Variants in NAP1L1 observed in about 807,000 individuals in gnomAD.
NAP1L1 encodes nucleosome assembly protein 1 like 1.
Under a neutral mutation model 58.9 loss-of-function variants are expected in NAP1L1, and 9 were observed. That is an observed-to-expected ratio of 0.15 (90% CI 0.09 to 0.27). The LOEUF is 0.27. NAP1L1 is among the 10% of genes least tolerant of loss of function. The pLI is 1.00. For missense variants in NAP1L1, 302 were observed against 458.8 expected, an observed-to-expected ratio of 0.66 and a Z score of 3.12; for synonymous variants, 130 against 138.3, an observed-to-expected ratio of 0.94 and a Z score of 0.42.
At chr12:76,059,992 C>T in intron 5 of NAP1L1, 114 bp from the exon 6 acceptor site, 1 of 1,171,936 alleles carries the variant, frequency 8.5e-7, no homozygotes, top group East Asian at 2.5e-5. Flanking sequence ...ACAACTTTAA[C>T]TGCTATTATT....
At chr12:76,054,268 G>T (rs1250686129) in intron 8 of NAP1L1, among the ~76,000 whole-genome samples, 1 of 146,014 alleles carries the variant, frequency 6.8e-6, no homozygotes, top group African/African-American at 2.4e-5. Context: ...GACCTCAAGT[G>T]ATCCACCCAC....
At chr12:76,068,776 A>ACACACACACACG (rs1592676763) in intron 3 of NAP1L1, 133 bp downstream of exon 3, 1 of 639,976 alleles carries the variant, frequency 1.6e-6, no homozygotes, top group East Asian at 2.7e-5. Context: ...ACACACACAC[A>ACACACACACACG]CACTAGAAGT....
At chr12:76,062,742 C>T (rs1211771130) in intron 4 of NAP1L1, among the ~76,000 whole-genome samples, 2 of 152,088 alleles carry the variant, frequency 1.3e-5, no homozygotes, top group Admixed American at 6.6e-5. Flanking sequence ...GAGATATGGA[C>T]GACAAAAGTA....
Position 76,038,024 on chromosome 12 carries a change from T to C in NAP1L1, c.*10405A>G, listed in dbSNP as rs1234096362. The stretch of plus-strand genomic sequence containing the variant: ...TATTTGTAAACTTGTTATGGTAATA[T>C]TAGCTTTGAAGTGACAAACGAAAAT... On this transcript the variant is annotated 3_prime_UTR_variant, in exon 15 of 15. Transcript: ENST00000618691. 2 of 152,216 alleles carry C rather than the reference T, an allele frequency of 1.3e-5. No individual in the cohort carries two copies. The highest frequency in any genetic ancestry group is 4.8e-5 in the African/African-American group (2 of 41,448). The allele number at this position is 152,216 out of a possible 1,614,324, so 9.4% of individuals were successfully genotyped here.
At chr12:76,052,289 C>T (rs186911838) in intron 11 of NAP1L1, among the ~76,000 whole-genome samples, 1 of 152,006 alleles carries the variant, frequency 6.6e-6, no homozygotes, top group African/African-American at 2.4e-5. Flanking sequence ...CAAACTTGAA[C>T]ACAAACTCCA....
intron 6 of NAP1L1, chr12:76,058,055 A>G (rs1949204197): frequency 1.3e-6 from 1 of 775,382 alleles, no homozygotes; most frequent in Non-Finnish European, 2.4e-6. Flanking sequence ...CAGATGACAT[A>G]ATTGAGGTCA....
chr12:76,037,586 A>G lies in NAP1L1; in HGVS notation c.*10843T>C, dbSNP rs1258586812. On this transcript the variant is annotated 3_prime_UTR_variant, in exon 15 of 15. Transcript: ENST00000618691. ...CATTCCAATTCCTTACCCTTGCATG[A>G]CAAGCCCTCCACAGAATGGGTCCTA... 6.7e-6 allele frequency: 1 copy of G among 149,322 alleles called. No individual in the cohort carries two copies. Among genetic ancestry groups the G allele is most frequent in the Non-Finnish European group, 1.5e-5 (1 of 68,030 alleles). 9.2% of individuals were successfully genotyped at this position (149,322 alleles called of 1,614,324 possible). A position where few individuals can be genotyped will look rare whatever the true frequency, so the allele number is the denominator to read the frequency against.
chr12:76,077,980 C>CAAAAAAAAAAAAAAAAAAAAAA (rs58558132), intron 1 of NAP1L1, among the ~76,000 whole-genome samples: 1 of 65,962 alleles, frequency 1.5e-5, no homozygotes, highest in Non-Finnish European at 2.7e-5. Flanking sequence ...GACCCTGTCT[C>CAAAAAAAAAAAAAAAAAAAAAA]AAAAAAAAAA....
At chr12:76,075,945 C>A (rs550226825) in intron 1 of NAP1L1, among the ~76,000 whole-genome samples, 2 of 152,072 alleles carry the variant, frequency 1.3e-5, no homozygotes, top group Non-Finnish European at 2.9e-5. Flanking sequence ...AGAAGGACCG[C>A]TTGAGGCCAG....
rs1252121735 is a variant in NAP1L1, at chr12:76,048,146, T to C, written c.*283A>G. On this transcript the variant is annotated 3_prime_UTR_variant, in exon 15 of 15. Coordinates refer to ENST00000618691, the MANE Select transcript of NAP1L1 (RefSeq NM_004537.7). ...TTCCTTTAACAGTTGTTAATTTTCA[T>C]AGCTGTACTCCAAGAGCTACATAAA... is the stretch of plus-strand genomic sequence containing the variant. 2.9e-5 allele frequency: 11 copies of C among 385,340 alleles called. No individual in the cohort carries two copies. Among genetic ancestry groups the C allele is most frequent in the East Asian group, 1.6e-4 (4 of 25,662 alleles). The allele number at this position is 385,340 out of a possible 1,614,324, so 23.9% of individuals were successfully genotyped here.
rs1948572079 is a variant in NAP1L1, at chr12:76,043,633, T to C, written c.*4796A>G. The C allele has an allele frequency of 6.6e-6, 1 of 152,232 alleles. No homozygotes were observed. The highest frequency in any genetic ancestry group is 2.4e-5 in the African/African-American group (1 of 41,458). 9.4% of individuals were successfully genotyped at this position (152,232 alleles called of 1,614,324 possible). ...CTGGCCACTTGTATTTCTACCTGTATTTCCAGGTATCTCAATTCCTTGAAT... is the reference window on the plus strand; with the variant it reads ...CTGGCCACTTGTATTTCTACCTGTACTTCCAGGTATCTCAATTCCTTGAAT... On this transcript the variant is annotated 3_prime_UTR_variant, in exon 15 of 15. Coordinates refer to ENST00000618691, the MANE Select transcript of NAP1L1 (RefSeq NM_004537.7).
intron 6 of NAP1L1, chr12:76,057,905 G>T: frequency 8.0e-7 from 1 of 1,248,996 alleles, no homozygotes; most frequent in Non-Finnish European, 1.2e-6. Context: ...AATTCCCAGA[G>T]CAAAGAAATA....
intron 1 of NAP1L1, among the ~76,000 whole-genome samples, chr12:76,080,403 A>T (rs1042209679): frequency 4.6e-5 from 7 of 152,204 alleles, no homozygotes; most frequent in African/African-American, 4.8e-5. Flanking sequence ...ACTTATTTTT[A>T]AAAAAGTTAA....
rs1310121381 is a variant in NAP1L1 at position 76,039,683 on chromosome 12, T to G, written c.*8746A>C. 6.6e-6 allele frequency: 1 copy of G among 152,234 alleles called. No homozygotes were observed. Among genetic ancestry groups the G allele is most frequent in the African/African-American group, 2.4e-5 (1 of 41,472 alleles). 9.4% of individuals were successfully genotyped at this position (152,234 alleles called of 1,614,324 possible). On this transcript the variant is annotated 3_prime_UTR_variant, in exon 15 of 15. Coordinates refer to ENST00000618691, the MANE Select transcript of NAP1L1 (RefSeq NM_004537.7). ...AATATCTACAAGGCAGTGCAAAGTG[T>G]AGGGCCATCCAAATGCTGGCTCCAA...
At chr12:76,054,912 A>C in intron 8 of NAP1L1, 107 bp downstream of exon 8, 1 of 667,554 alleles carries the variant, frequency 1.5e-6, no homozygotes, top group South Asian at 2.5e-5. Flanking sequence ...TTTATTCACT[A>C]TAACAAAGAG....
chr12:76,050,351 A>G (rs12831663), intron 12 of NAP1L1, among the ~76,000 whole-genome samples, 180 bp downstream of exon 12: 24,512 of 152,168 alleles, frequency 0.16, 2,891 homozygotes, highest in East Asian at 0.53. Context: ...AGATAAATGA[A>G]TCCAAAAATC....
rs1948927482 is a variant in NAP1L1 at position 76,053,305 on chromosome 12, A to T, written c.816T>A (p.Thr272=). The T allele has an allele frequency of 6.2e-7, 1 of 1,613,862 alleles. No homozygotes were observed. Among genetic ancestry groups the T allele is most frequent in the Admixed American group, 1.7e-5 (1 of 59,998 alleles). The part of the protein sequence containing the change: ...WKKGKNVTLK[T]IKKKQKHKGR... Reference sequence around the variant, plus strand: ...CCTTGTGTTTCTGCTTCTTCTTAATAGTTTTCAAAGTGACATTCTTTCCTT... The same window carrying T: ...CCTTGTGTTTCTGCTTCTTCTTAATTGTTTTCAAAGTGACATTCTTTCCTT... The change falls in exon 10 of 15, where the codon ACT becomes ACA. Residue 272 remains threonine (T), a synonymous_variant. Transcript: ENST00000618691.
At chr12:76,068,743 C>CACACAT in intron 3 of NAP1L1, 166 bp downstream of exon 3, 1 of 469,272 alleles carries the variant, frequency 2.1e-6, no homozygotes, top group African/African-American at 2.6e-5. Flanking sequence ...CTTACACACA[C>CACACAT]ACACACACAC....
In NAP1L1 at chr12:76,048,039, C is replaced by T. The variant is rs779927567; in HGVS notation, c.*390G>A. The T allele has an allele frequency of 7.8e-5, 14 of 178,918 alleles. No homozygotes were observed. Among genetic ancestry groups the T allele is most frequent in the East Asian group, 1.5e-4 (1 of 6,728 alleles). The allele number at this position is 178,918 out of a possible 1,614,324, so 11.1% of individuals were successfully genotyped here. A position where few individuals can be genotyped will look rare whatever the true frequency, so the allele number is the denominator to read the frequency against. On this transcript the variant is annotated 3_prime_UTR_variant, in exon 15 of 15. Transcript: ENST00000618691. Reference sequence around the variant, plus strand: ...TAATGAAAGGCACAGCTAATCCAAGCGGACTTAACCCTATTCAACAACCAG... The same window carrying T: ...TAATGAAAGGCACAGCTAATCCAAGTGGACTTAACCCTATTCAACAACCAG...
Sources: gnomAD v4.1 joint callset for allele counts (sites outside exome capture counted in the v4.1 genomes callset) on GRCh38, gnomAD v4.1.1 for gene constraint, MANE v1.5 for transcripts, NCBI Gene and HGNC (gene_info 2026-07-23, HGNC 2026-07-21) for gene names.